ADD1: variants seen among roughly 807,000 people sequenced by gnomAD.
The protein encoded by ADD1 is alpha-adducin.
A neutral mutation model predicts 80.5 loss-of-function variants in ADD1; 24 were observed. The ratio of observed to expected loss-of-function variants is 0.30; its 90% CI spans 0.22 to 0.42. The LOEUF (loss-of-function observed/expected upper bound fraction) is 0.42, where lower values mean the gene tolerates loss of function less well. Among genes scored for constraint, ADD1 ranks in the 10% least tolerant of loss-of-function variants. ADD1 has a pLI of 1.00. For missense variants in ADD1, 948 were observed against 1,019.0 expected, an observed-to-expected ratio of 0.93 and a Z score of 0.95; for synonymous variants, 373 against 393.8, an observed-to-expected ratio of 0.95 and a Z score of 0.63.
intron 1 of ADD1, among the ~76,000 whole-genome samples, chr4:2,863,543 T>C (rs1458566973): frequency 6.6e-6 from 1 of 152,202 alleles, no homozygotes; most frequent in Non-Finnish European, 1.5e-5. Flanking sequence ...AGAAGCAATT[T>C]GGTGCTGTGG....
chr4:2,926,076 C>G lies in ADD1; in HGVS notation c.2011C>G (p.His671Asp). ...KSPPDQPAVP[H>D]PPPSTPIKLE... is the part of the protein sequence containing the mutation. Reference sequence around the variant, plus strand: ...TCCTCCAGACCAGCCTGCGGTCCCCCACCCGCCTCCCAGCACTCCCATCAA... The same window carrying G: ...TCCTCCAGACCAGCCTGCGGTCCCCGACCCGCCTCCCAGCACTCCCATCAA... The change falls in exon 15 of 16, where the codon CAC becomes GAC. Residue 671 changes from histidine (H) to aspartate (D), a missense_variant. By Grantham distance (81) the His-to-Asp change is moderately conservative (BLOSUM62 -1). Coordinates refer to ENST00000683351, the MANE Select transcript of ADD1 (RefSeq NM_001354761.2). This position sits in a 1 kb window ranked among gnomAD's most constrained non-coding sequence, Gnocchi z 5.0. 6.2e-7 allele frequency: 1 copy of G among 1,614,180 alleles called. No homozygotes were observed. The highest frequency in any genetic ancestry group is 1.1e-5 in the South Asian group (1 of 91,084).
chr4:2,878,480 A>G (rs1405051314), intron 2 of ADD1, among the ~76,000 whole-genome samples: 1 of 152,174 alleles, frequency 6.6e-6, no homozygotes, highest in Non-Finnish European at 1.5e-5. Context: ...TTACGTAAAA[A>G]CAACAAGAAG....
chr4:2,871,941 A>G (rs934166398), intron 1 of ADD1, among the ~76,000 whole-genome samples: 5 of 152,232 alleles, frequency 3.3e-5, no homozygotes, highest in Admixed American at 3.3e-4. Context: ...TAAGGTCCAC[A>G]TATTAGTTCT....
rs1310935816 is a variant in ADD1 at position 2,852,230 on chromosome 4, C to CCTTTCTTTCCTTTCTTTCCTTT, written c.-21+8215_-21+8216insCTTTCTTTCCTTTCTTTCTTTC. 2.4e-3 allele frequency among the ~76,000 whole-genome samples: 287 copies of CCTTTCTTTCCTTTCTTTCCTTT among 120,282 alleles called. 3 individuals carry two copies. The highest frequency in any genetic ancestry group is 4.3e-3 in the Middle Eastern group (1 of 230). The allele number at this position is 120,282 out of a possible 152,430, so 78.9% of individuals were successfully genotyped here. A position where few individuals can be genotyped will look rare whatever the true frequency, so the allele number is the denominator to read the frequency against. The stretch of plus-strand genomic sequence containing the variant: ...TTCCTTTCCTTTCTTTCCTTTCTTT[C>CCTTTCTTTCCTTTCTTTCCTTT]CTTTCTTTCTTTCTTTCTCTTTCTT... On this transcript the variant is annotated intron_variant, in intron 1 of 15. Transcript: ENST00000683351.
chr4:2,897,739 C>G (rs1735499854), intron 6 of ADD1, among the ~76,000 whole-genome samples: 1 of 151,810 alleles, frequency 6.6e-6, no homozygotes, highest in South Asian at 2.1e-4. Context: ...CCCAGGCTGA[C>G]GTCGAACTTC....
chr4:2,928,592 GCT>G lies in ADD1; in HGVS notation c.*72_*73del, dbSNP rs1011840368. ...TGCCAGCGTCCCCGGCCACGTCTGT[GCT>G]CTGTCCTTGTGTAATGGAATGCAAA... On this transcript the variant is annotated 3_prime_UTR_variant, in exon 16 of 16. Coordinates refer to ENST00000683351, the MANE Select transcript of ADD1 (RefSeq NM_001354761.2). The G allele has an allele frequency of 7.2e-6, 11 of 1,519,192 alleles. No individual in the cohort carries two copies. In the African/African-American group the frequency reaches 1.1e-4, roughly 16 times the overall value. The allele number at this position is 1,519,192 out of a possible 1,614,324, so 94.1% of individuals were successfully genotyped here. A position where few individuals can be genotyped will look rare whatever the true frequency, so the allele number is the denominator to read the frequency against.
chr4:2,895,448 G>T (rs140755364), intron 6 of ADD1, among the ~76,000 whole-genome samples: 1 of 152,138 alleles, frequency 6.6e-6, no homozygotes, highest in Non-Finnish European at 1.5e-5. Context: ...TCGGGGAAGG[G>T]TGTTTGGGGT....
chr4:2,928,317 C>A lies in ADD1; in HGVS notation c.2194C>A (p.Pro732Thr), dbSNP rs777777279. 7 of 1,614,046 alleles carry A rather than the reference C, an allele frequency of 4.3e-6. No homozygotes were observed. The African/African-American group carries it at 5.3e-5, about 12-fold the overall frequency. ...GGAGGAAGCCCATAGACCCCCAAGC[C>A]CCACTGAGGCCCCTACTGAGGCCAG... is the stretch of plus-strand genomic sequence containing the variant. ...KEEEAHRPPSPTEAPTEASPE... is the reference protein window; with the variant it reads ...KEEEAHRPPSTTEAPTEASPE... Residue 732 changes from proline (P) to threonine (T), a missense_variant, in exon 16 of 16, where the codon CCC (proline) becomes ACC (threonine). Coordinates refer to ENST00000683351, the MANE Select transcript of ADD1 (RefSeq NM_001354761.2).
At chr4:2,890,619 A>G (rs1226264921) in intron 4 of ADD1, among the ~76,000 whole-genome samples, 1 of 152,138 alleles carries the variant, frequency 6.6e-6, no homozygotes, top group Non-Finnish European at 1.5e-5. Flanking sequence ...CATTTTAGCC[A>G]GGATGGTCTC....
At chr4:2,870,307 G>A (rs542745079) in intron 1 of ADD1, among the ~76,000 whole-genome samples, 2 of 152,312 alleles carry the variant, frequency 1.3e-5, no homozygotes, top group African/African-American at 4.8e-5. Flanking sequence ...GAATATTCCA[G>A]CATAACCTTT....
intron 1 of ADD1, among the ~76,000 whole-genome samples, chr4:2,848,041 C>A (rs2108772707): frequency 1.3e-5 from 2 of 152,124 alleles, no homozygotes; most frequent in Admixed American, 1.3e-4. Context: ...ATGATGAAAC[C>A]CTGTCTCTAC....
intron 1 of ADD1, among the ~76,000 whole-genome samples, chr4:2,866,780 C>T (rs576307583): frequency 3.4e-4 from 51 of 152,202 alleles, no homozygotes; most frequent in African/African-American, 1.2e-3. Context: ...ATTGTGAGAC[C>T]TCTGAAGCTT....
chr4:2,908,660 T>G, intron 12 of ADD1, 56 bp downstream of exon 12: 1 of 1,404,058 alleles, frequency 7.1e-7, no homozygotes, highest in Non-Finnish European at 1.0e-6. Context: ...GACCGCCTGC[T>G]CCAAAGTTAT....
intron 9 of ADD1, chr4:2,899,699 G>A (rs1225405365): frequency 2.1e-6 from 1 of 474,220 alleles, no homozygotes. Context: ...AGAATGCGTA[G>A]GCAGCTGGAT....
At chr4:2,902,465 A>C (rs57174035) in intron 9 of ADD1, 2 of 152,252 alleles carry the variant, frequency 1.3e-5, no homozygotes, top group African/African-American at 4.8e-5. Flanking sequence ...TAGGCCGGTC[A>C]CGATGGCTGA....
intron 1 of ADD1, among the ~76,000 whole-genome samples, chr4:2,855,814 C>T (rs1357803965): frequency 1.3e-5 from 2 of 151,792 alleles, no homozygotes; most frequent in Non-Finnish European, 2.9e-5. Flanking sequence ...GATCCTCCCA[C>T]TTCAGCCCCC....
At chr4:2,927,001 A>T (rs1029491094) in intron 15 of ADD1, among the ~76,000 whole-genome samples, 5 of 152,242 alleles carry the variant, frequency 3.3e-5, no homozygotes, top group African/African-American at 1.2e-4. Context: ...ATGTAAGTGC[A>T]GCCTCGGTTC....
intron 6 of ADD1, among the ~76,000 whole-genome samples, chr4:2,895,957 G>A (rs186484254): frequency 0.019 from 2,912 of 151,334 alleles, 60 homozygotes; most frequent in African/African-American, 0.046. Flanking sequence ...GCGCGATCGC[G>A]GCTCACTGCA....
chr4:2,885,970 T>C (rs559623195), intron 4 of ADD1, among the ~76,000 whole-genome samples: 19 of 152,330 alleles, frequency 1.2e-4, no homozygotes, highest in Non-Finnish European at 2.1e-4. Context: ...TTCACTCTTT[T>C]GTAGAGATAG....
Sources: allele counts gnomAD v4.1 joint callset (sites outside exome capture counted in the v4.1 genomes callset), GRCh38; gene constraint gnomAD v4.1.1; non-coding constraint Gnocchi (gnomAD v3.1); transcripts MANE v1.5; gene names NCBI Gene and HGNC (gene_info 2026-07-23, HGNC 2026-07-21).